The following MARCHF1 variants were observed in gnomAD, a reference collection of about 807,000 sequenced individuals.
MARCHF1 encodes E3 ubiquitin-protein ligase MARCHF1.
A neutral mutation model predicts 54.2 loss-of-function variants in MARCHF1; 40 were observed. The observed-to-expected ratio is 0.74, with a 90% CI of 0.57 to 0.96. MARCHF1 has a LOEUF of 0.96. Ranked by LOEUF, MARCHF1 falls within the 40% of genes least tolerant of loss-of-function variation. The probability of loss-of-function intolerance (pLI) is 0.00; values close to 1 mark genes in which losing one functional copy is unlikely to be tolerated. For synonymous variants in MARCHF1, 236 were observed against 236.3 expected, an observed-to-expected ratio of 1.00 and a Z score of 0.01; for missense variants, 586 against 656.5, an observed-to-expected ratio of 0.89 and a Z score of 1.17.
At chr4:163,895,186 G>A (rs1056642399) in intron 3 of MARCHF1, among the ~76,000 whole-genome samples, 5 of 152,116 alleles carry the variant, frequency 3.3e-5, no homozygotes, top group Non-Finnish European at 5.9e-5. Context: ...CACTTGCAAT[G>A]GCTAGAATGT....
intron 1 of MARCHF1, among the ~76,000 whole-genome samples, chr4:164,162,621 T>A (rs1399815381): frequency 6.6e-6 from 1 of 151,750 alleles, no homozygotes; most frequent in Non-Finnish European, 1.5e-5. Context: ...AGGGAAAGAG[T>A]AAATGAAGAG....
intron 4 of MARCHF1, among the ~76,000 whole-genome samples, chr4:163,783,080 T>G (rs1238719954): frequency 1.3e-5 from 2 of 152,160 alleles, no homozygotes; most frequent in Non-Finnish European, 2.9e-5. Context: ...ATTCTCAAAT[T>G]GATAAAAACA....
chr4:163,545,564 C>T (rs754584625), intron 9 of MARCHF1, 32 bp downstream of exon 9: 1 of 1,599,942 alleles, frequency 6.3e-7, no homozygotes, highest in Admixed American at 1.7e-5. Context: ...TCTTTAGGAT[C>T]CAAGAGGGTA....
chr4:164,078,153 T>C (rs1755018087), intron 2 of MARCHF1, among the ~76,000 whole-genome samples: 4 of 152,098 alleles, frequency 2.6e-5, no homozygotes, highest in Admixed American at 2.0e-4. Context: ...AGTGATAGAC[T>C]GGATAAAGAA....
intron 1 of MARCHF1, among the ~76,000 whole-genome samples, chr4:164,304,775 C>T (rs1362237163): frequency 1.3e-5 from 2 of 152,234 alleles, no homozygotes; most frequent in East Asian, 3.9e-4. Flanking sequence ...TGTTCACATG[C>T]TACAGTTTTA....
intron 1 of MARCHF1, among the ~76,000 whole-genome samples, chr4:164,332,366 T>C (rs1729565799): frequency 6.6e-6 from 1 of 152,228 alleles, no homozygotes; most frequent in Non-Finnish European, 1.5e-5. Flanking sequence ...ATATTAGACA[T>C]AATATTCACA....
At chr4:164,257,471 C>T (rs1463449349) in intron 1 of MARCHF1, among the ~76,000 whole-genome samples, 1 of 139,474 alleles carries the variant, frequency 7.2e-6, no homozygotes, top group Non-Finnish European at 1.6e-5. Flanking sequence ...TTGTTTCATT[C>T]TTTTTTTCTA....
intron 3 of MARCHF1, among the ~76,000 whole-genome samples, chr4:163,856,342 A>G (rs1749767296): frequency 6.6e-6 from 1 of 152,222 alleles, no homozygotes. Context: ...GTTAATAATA[A>G]TCATTGAATA....
intron 1 of MARCHF1, among the ~76,000 whole-genome samples, chr4:164,275,066 A>G (rs1733843853): frequency 6.6e-6 from 1 of 151,418 alleles, no homozygotes; most frequent in Non-Finnish European, 1.5e-5. Context: ...TAATAACAAT[A>G]AATTCCTTTA....
intron 1 of MARCHF1, among the ~76,000 whole-genome samples, chr4:164,123,430 A>T (rs1259550425): frequency 6.6e-6 from 1 of 152,130 alleles, no homozygotes; most frequent in Non-Finnish European, 1.5e-5. Flanking sequence ...GACATTCTTC[A>T]CAGAAATAAA....
chr4:164,037,764 G>A (rs944994475), intron 2 of MARCHF1, among the ~76,000 whole-genome samples: 1 of 152,154 alleles, frequency 6.6e-6, no homozygotes, highest in Non-Finnish European at 1.5e-5. Flanking sequence ...CATCAACAGT[G>A]ATATGTCATG....
intron 1 of MARCHF1, among the ~76,000 whole-genome samples, chr4:164,257,466 T>A (rs1205116951): frequency 1.4e-5 from 2 of 144,886 alleles, no homozygotes; most frequent in African/African-American, 5.1e-5. Context: ...CAGTTTTGTT[T>A]CATTCTTTTT....
At chr4:163,817,344 C>T (rs1748564567) in intron 4 of MARCHF1, among the ~76,000 whole-genome samples, 2 of 150,608 alleles carry the variant, frequency 1.3e-5, no homozygotes, top group Non-Finnish European at 3.0e-5. Context: ...TATATATGTA[C>T]ATATACACAT....
chr4:163,624,759 T>C (rs1251593896), intron 5 of MARCHF1, among the ~76,000 whole-genome samples: 1 of 152,262 alleles, frequency 6.6e-6, no homozygotes, highest in Non-Finnish European at 1.5e-5. Context: ...AACCTCAGTC[T>C]CACTGCAAAC....
chr4:164,250,802 A>G (rs1733102371), intron 1 of MARCHF1, among the ~76,000 whole-genome samples: 1 of 152,160 alleles, frequency 6.6e-6, no homozygotes, highest in South Asian at 2.1e-4. Context: ...GGAGAAAAAT[A>G]TAATGGAAAA....
intron 8 of MARCHF1, among the ~76,000 whole-genome samples, chr4:163,566,430 A>G (rs1739648002): frequency 6.6e-6 from 1 of 152,254 alleles, no homozygotes; most frequent in African/African-American, 2.4e-5. Flanking sequence ...AAGTCCCACG[A>G]GTTCAGATAG....
chr4:164,332,841 T>C (rs1729595639), intron 1 of MARCHF1, among the ~76,000 whole-genome samples: 2 of 152,188 alleles, frequency 1.3e-5, no homozygotes, highest in Non-Finnish European at 2.9e-5. Context: ...GATGTTTATG[T>C]TATATAAGCT....
intron 4 of MARCHF1, among the ~76,000 whole-genome samples, chr4:163,705,251 A>G (rs1744916317): frequency 6.6e-6 from 1 of 151,722 alleles, no homozygotes; most frequent in Non-Finnish European, 1.5e-5. Flanking sequence ...TCATAGAAAC[A>G]TAAATATCCC....
At chr4:163,714,023 T>C (rs968943363) in intron 4 of MARCHF1, among the ~76,000 whole-genome samples, 2 of 152,238 alleles carry the variant, frequency 1.3e-5, no homozygotes, top group Non-Finnish European at 2.9e-5. Flanking sequence ...GTTGAAATTA[T>C]AAATCAGTTC....
Sources: allele counts gnomAD v4.1 joint callset (sites outside exome capture counted in the v4.1 genomes callset), GRCh38; gene constraint gnomAD v4.1.1; transcripts MANE v1.5; gene names NCBI Gene and HGNC (gene_info 2026-07-23, HGNC 2026-07-21).